Variants in ZNF224 observed in about 807,000 individuals in gnomAD.
ZNF224 encodes the protein zinc finger protein 224.
ZNF224 carries 8 observed loss-of-function variants against 10.5 expected under a neutral mutation model. That is an observed-to-expected ratio of 0.76 (90% confidence interval 0.45 to 1.37). The LOEUF (loss-of-function observed/expected upper bound fraction) is 1.37, where lower values mean the gene tolerates loss of function less well. Among genes scored for constraint, ZNF224 ranks in the 40% most tolerant of loss-of-function variants. The pLI is 0.00. For synonymous variants in ZNF224, 282 were observed against 287.8 expected, an observed-to-expected ratio of 0.98 and a Z score of 0.20; for missense variants, 754 against 854.0, an observed-to-expected ratio of 0.88 and a Z score of 1.46.
At chr19:44,099,357 C>T (rs1967503695) in intron 3 of ZNF224, among the ~76,000 whole-genome samples, 1 of 152,034 alleles carries the variant, frequency 6.6e-6, no homozygotes, top group South Asian at 2.1e-4. Flanking sequence ...ATGTAACAGT[C>T]TAAGGTGAAA....
chr19:44,096,019 G>A (rs1000745724), intron 1 of ZNF224: 9 of 150,460 alleles, frequency 6.0e-5, no homozygotes, highest in Non-Finnish European at 1.3e-4. Context: ...CTTTCTTTTT[G>A]TATATTTATA....
At chr19:44,096,481 G>T (rs1486731469) in intron 2 of ZNF224, 50 bp downstream of exon 2, 2 of 152,122 alleles carry the variant, frequency 1.3e-5, no homozygotes, top group Non-Finnish European at 2.9e-5. Context: ...TAACATATTA[G>T]ATAATTTCAG....
chr19:44,102,638 C>T (rs1352369486), intron 5 of ZNF224, among the ~76,000 whole-genome samples: 1 of 152,138 alleles, frequency 6.6e-6, no homozygotes, highest in Admixed American at 6.5e-5. Flanking sequence ...TGTGTGTTTA[C>T]GGTGGACCCA....
chr19:44,106,712 CTT>C lies in ZNF224; in HGVS notation c.555_556del (p.Phe185LeufsTer20), dbSNP rs749350252. ...ATACGTGTGATGAGTGTGGAAAGAA[CTT>C]TTGTTACATCTCAGCCCTTCGTATT... ...SHTCDECGKN[F>X]CYISALRIHQ... On this transcript the variant is annotated frameshift_variant, in exon 6 of 6. Coordinates refer to ENST00000693561, the MANE Select transcript of ZNF224 (RefSeq NM_001321645.3). LOFTEE classifies it low-confidence loss of function (END_TRUNC). The C allele has an allele frequency of 1.3e-5, 21 of 1,606,000 alleles. No individual in the cohort carries two copies. Among genetic ancestry groups the C allele is most frequent in the African/African-American group, 2.7e-5 (2 of 74,736 alleles).
intron 3 of ZNF224, among the ~76,000 whole-genome samples, chr19:44,098,298 G>A (rs542298333): frequency 2.0e-5 from 3 of 152,022 alleles, no homozygotes; most frequent in South Asian, 2.1e-4. Context: ...CCATTTAATC[G>A]ATGTTCCTTT....
intron 3 of ZNF224, 111 bp downstream of exon 3, chr19:44,097,999 T>A: frequency 8.2e-7 from 1 of 1,226,102 alleles, no homozygotes; most frequent in Non-Finnish European, 1.2e-6. Context: ...CATTTGAGGA[T>A]CTCTTGTGTA....
intron 3 of ZNF224, among the ~76,000 whole-genome samples, chr19:44,100,088 T>G (rs1429735221): frequency 6.6e-6 from 1 of 152,234 alleles, no homozygotes; most frequent in African/African-American, 2.4e-5. Context: ...TATTCAGTCT[T>G]GCTACACACT....
chr19:44,095,526 G>C (rs1967419960), intron 1 of ZNF224: 1 of 152,132 alleles, frequency 6.6e-6, no homozygotes, highest in South Asian at 2.1e-4. Flanking sequence ...GAAATTTTCT[G>C]AGTTTCTAAA....
rs569605327 is a variant in ZNF224, at chr19:44,104,373, A to G, written c.236-2023A>G. Among the ~76,000 whole-genome samples, 10 of 152,354 alleles carry G rather than the reference A, an allele frequency of 6.6e-5. No homozygotes were observed. The East Asian group carries it at 1.7e-3, about 26-fold the overall frequency. On this transcript the variant is annotated intron_variant, in intron 5 of 5. Coordinates refer to ENST00000693561, the MANE Select transcript of ZNF224 (RefSeq NM_001321645.3). ...CAAGAGTTTACAGAAGATCGCTCTC[A>G]CTTCACACCAACTGCAAGTGTGGGG...
At chr19:44,095,125 AG>A in intron 1 of ZNF224, 2 of 238,296 alleles carry the variant, frequency 8.4e-6, no homozygotes. Flanking sequence ...AGCTGCAGGG[AG>A]GGACTTCTTG....
intron 1 of ZNF224, chr19:44,095,833 A>C (rs1967424533): frequency 6.6e-6 from 1 of 151,466 alleles, no homozygotes; most frequent in Admixed American, 6.6e-5. Context: ...GTGAGGCAGG[A>C]GAATCGTTTG....
In ZNF224 at chr19:44,106,888, G is replaced by A. The variant is rs199606564; in HGVS notation, c.728G>A (p.Arg243His). Reference sequence around the variant, plus strand: ...GTGGAATGTGGGAAAGGCTTCAGTCGTAGATCAGCACTTAATGTTCATCAT... The same window carrying A: ...GTGGAATGTGGGAAAGGCTTCAGTCATAGATCAGCACTTAATGTTCATCAT... ...KCVECGKGFSRRSALNVHHKL... is the reference protein window; with the variant it reads ...KCVECGKGFSHRSALNVHHKL... The change falls in exon 6 of 6, where the codon CGT becomes CAT. Residue 243 changes from arginine to histidine, a missense_variant. Arg to His is a conservative substitution (Grantham distance 29). Transcript: ENST00000693561. The A allele has an allele frequency of 1.9e-5, 31 of 1,609,832 alleles. No individual in the cohort carries two copies. Among genetic ancestry groups the A allele is most frequent in the South Asian group, 4.4e-5 (4 of 90,684 alleles).
chr19:44,099,781 A>G (rs1280906541), intron 3 of ZNF224, among the ~76,000 whole-genome samples: 1 of 152,208 alleles, frequency 6.6e-6, no homozygotes, highest in East Asian at 1.9e-4. Flanking sequence ...ATGTTAAGAA[A>G]AACCAGAATA....
At position 44,106,419 on chromosome 19, in the gene ZNF224, G is replaced by A. The variant is rs1967661413; in HGVS notation, c.259G>A (p.Glu87Lys). 6.2e-7 allele frequency: 1 copy of A among 1,614,148 alleles called. No homozygotes were observed. Among genetic ancestry groups the A allele is most frequent in the Non-Finnish European group, 8.5e-7 (1 of 1,180,022 alleles). The change falls in exon 6 of 6, where the codon GAG (glutamate) becomes AAG (lysine). Residue 87 changes from glutamate to lysine, a missense_variant. By Grantham distance (56) the Glu-to-Lys change is moderately conservative. Coordinates refer to ENST00000693561, the MANE Select transcript of ZNF224 (RefSeq NM_001321645.3). ...AGGAGACAAGATCCAAACTGAGATG[G>A]AGACTGTTTCAGAAGCAGGAACACA... ...NSGDKIQTEM[E>K]TVSEAGTHQE...
intron 2 of ZNF224, 26 bp downstream of exon 2, chr19:44,096,457 T>C (rs1599659504): frequency 6.6e-6 from 1 of 152,194 alleles, no homozygotes; most frequent in East Asian, 1.9e-4. Flanking sequence ...GAAGACCTAG[T>C]ATATGGTTTC....
At chr19:44,106,302 T>C in intron 5 of ZNF224, 94 bp from the exon 6 acceptor site, 1 of 1,328,498 alleles carries the variant, frequency 7.5e-7, no homozygotes, top group Non-Finnish European at 1.1e-6. Flanking sequence ...TTGTCTATAC[T>C]CATGAGAGTT....
chr19:44,106,740 C>G lies in ZNF224; in HGVS notation c.580C>G (p.His194Asp). 6.2e-7 allele frequency: 1 copy of G among 1,611,436 alleles called. No homozygotes were observed. The highest frequency in any genetic ancestry group is 8.5e-7 in the Non-Finnish European group (1 of 1,178,432). Residue 194 changes from histidine (H) to aspartate (D), a missense_variant, in exon 6 of 6, where the codon CAT becomes GAT. Physicochemically the swap from His to Asp is moderately conservative, Grantham distance 81. Transcript: ENST00000693561. Reference sequence around the variant, plus strand: ...TTGTTACATCTCAGCCCTTCGTATTCATCAGAGAGTCCACATGGGAGAGAA... The same window carrying G: ...TTGTTACATCTCAGCCCTTCGTATTGATCAGAGAGTCCACATGGGAGAGAA... ...NFCYISALRI[H>D]QRVHMGEKCY... is the part of the protein sequence containing the mutation.
chr19:44,107,976 A>G lies in ZNF224; in HGVS notation c.1816A>G (p.Ser606Gly), dbSNP rs747570223. ...YKCDECGKGF[S>G]WSSTRLTHQR... Reference sequence around the variant, plus strand: ...ATGTGATGAGTGTGGGAAGGGCTTCAGCTGGTCCTCAACTCGTCTGACCCA... The same window carrying G: ...ATGTGATGAGTGTGGGAAGGGCTTCGGCTGGTCCTCAACTCGTCTGACCCA... Residue 606 changes from serine (S) to glycine (G), a missense_variant, in exon 6 of 6, where the codon AGC becomes GGC. Ser to Gly is a moderately conservative substitution (Grantham distance 56, BLOSUM62 0). Transcript: ENST00000693561. The G allele has an allele frequency of 6.2e-7, 1 of 1,614,250 alleles. No homozygotes were observed. The highest frequency in any genetic ancestry group is 8.5e-7 in the Non-Finnish European group (1 of 1,180,030).
At chr19:44,097,954 CCT>C in intron 3 of ZNF224, 66 bp downstream of exon 3, 2 of 1,583,400 alleles carry the variant, frequency 1.3e-6, no homozygotes, top group South Asian at 2.2e-5. Context: ...CACAAGTTTT[CCT>C]CTGTCTTGGG....
Sources: allele counts gnomAD v4.1 joint callset (sites outside exome capture counted in the v4.1 genomes callset), GRCh38; gene constraint gnomAD v4.1.1; transcripts MANE v1.5; gene names NCBI Gene and HGNC (gene_info 2026-07-23, HGNC 2026-07-21).